KRAS: variants seen among roughly 807,000 people sequenced by gnomAD.
The protein encoded by KRAS is KRas proto-oncogene, GTPase, also known as GTPase KRas.
In KRAS, 1 loss-of-function variant was observed where a neutral mutation model predicts 21.0. The observed-to-expected ratio is 0.05, with a 90% CI of 0.02 to 0.23. The LOEUF (loss-of-function observed/expected upper bound fraction) is 0.23. KRAS is among the 10% of genes least tolerant of loss of function. KRAS has a pLI of 1.00. For synonymous variants in KRAS, 67 were observed against 72.5 expected, an observed-to-expected ratio of 0.92 and a Z score of 0.39; for missense variants, 107 against 221.8, an observed-to-expected ratio of 0.48 and a Z score of 3.29.
At chr12:25,237,634 T>G (rs942177088) in intron 2 of KRAS, among the ~76,000 whole-genome samples, 1 of 152,212 alleles carries the variant, frequency 6.6e-6, no homozygotes, top group Non-Finnish European at 1.5e-5. Flanking sequence ...ATTTGTGCTA[T>G]GGGCTTGGGC....
intron 2 of KRAS, among the ~76,000 whole-genome samples, chr12:25,243,431 G>C (rs1483611327): frequency 1.3e-5 from 2 of 152,172 alleles, no homozygotes; most frequent in Non-Finnish European, 2.9e-5. Context: ...CAGAGTTATA[G>C]GTTTAAGTTT....
chr12:25,226,036 ATAATAG>A (rs1433651817), intron 3 of KRAS, among the ~76,000 whole-genome samples: 1 of 152,220 alleles, frequency 6.6e-6, no homozygotes, highest in Non-Finnish European at 1.5e-5. Flanking sequence ...CAGGTAGATC[ATAATAG>A]TAAAACAGAA....
chr12:25,209,233 T>C lies in KRAS; in HGVS notation c.*562A>G, dbSNP rs974417060. On this transcript the variant is annotated 3_prime_UTR_variant, in exon 5 of 5. Transcript: ENST00000311936. ...TTTTGGGGAGAGTGACCATGACTAATAGCAGTGGAAAGGAGACAAAACCTT... is the reference window on the plus strand; with the variant it reads ...TTTTGGGGAGAGTGACCATGACTAACAGCAGTGGAAAGGAGACAAAACCTT... 1.0e-5 allele frequency: 7 copies of C among 685,124 alleles called. No individual in the cohort carries two copies. The highest frequency in any genetic ancestry group is 3.5e-5 in the African/African-American group (2 of 56,692). 42.4% of individuals were successfully genotyped at this position (685,124 alleles called of 1,614,324 possible). A position where few individuals can be genotyped will look rare whatever the true frequency, so the allele number is the denominator to read the frequency against.
At chr12:25,235,438 C>T (rs1161752413) in intron 2 of KRAS, among the ~76,000 whole-genome samples, 1 of 152,198 alleles carries the variant, frequency 6.6e-6, no homozygotes, top group Non-Finnish European at 1.5e-5. Context: ...TCATTCCCAT[C>T]TACCCACATC....
At chr12:25,250,196 C>T (rs1231605625) in intron 1 of KRAS, among the ~76,000 whole-genome samples, 1 of 152,234 alleles carries the variant, frequency 6.6e-6, no homozygotes, top group Admixed American at 6.5e-5. Flanking sequence ...TCACACATCC[C>T]CTACACACGG....
At chr12:25,220,855 T>C (rs926033267) in intron 4 of KRAS, among the ~76,000 whole-genome samples, 16 of 151,716 alleles carry the variant, frequency 1.1e-4, no homozygotes, top group African/African-American at 3.9e-4. Flanking sequence ...CGAAACCCTG[T>C]CTCTACTAAA....
At chr12:25,230,163 A>C (rs1234682902) in intron 2 of KRAS, among the ~76,000 whole-genome samples, 1 of 152,202 alleles carries the variant, frequency 6.6e-6, no homozygotes, top group Non-Finnish European at 1.5e-5. Flanking sequence ...TGTTGTTAGT[A>C]AAGTATTTCA....
intron 1 of KRAS, among the ~76,000 whole-genome samples, chr12:25,249,226 T>C (rs979129692): frequency 5.3e-5 from 8 of 151,976 alleles, no homozygotes; most frequent in Non-Finnish European, 1.2e-4. Flanking sequence ...GAAACCCCCG[T>C]CTCTACTAAA....
At chr12:25,232,203 T>C (rs1044370887) in intron 2 of KRAS, among the ~76,000 whole-genome samples, 2 of 152,220 alleles carry the variant, frequency 1.3e-5, no homozygotes, top group African/African-American at 4.8e-5. Context: ...TCAAAAAATT[T>C]AGAGTCTAAA....
intron 4 of KRAS, among the ~76,000 whole-genome samples, chr12:25,220,806 C>G (rs1418602347): frequency 6.6e-6 from 1 of 151,714 alleles, no homozygotes; most frequent in African/African-American, 2.4e-5. Flanking sequence ...GGGAGGATCA[C>G]TTGATGCCAG....
rs550502020 is a variant in KRAS at position 25,211,941 on chromosome 12, G to C, written c.451-2030C>G. On this transcript the variant is annotated intron_variant, in intron 4 of 4. Coordinates refer to ENST00000311936, the MANE Select transcript of KRAS (RefSeq NM_004985.5). ...CTTTTGTTTCTCCCACAGGAGAAAG[G>C]AAAAGTGGTAAGAAATAATTTATCA... is the stretch of plus-strand genomic sequence containing the variant. Among the ~76,000 whole-genome samples, 10 of 152,238 alleles carry C rather than the reference G, an allele frequency of 6.6e-5. 1 individual carries two copies. In the South Asian group the frequency reaches 2.1e-3, roughly 32 times the overall value.
At chr12:25,228,749 T>C (rs1041681189) in intron 2 of KRAS, among the ~76,000 whole-genome samples, 1 of 152,158 alleles carries the variant, frequency 6.6e-6, no homozygotes, top group Non-Finnish European at 1.5e-5. Context: ...TTAAGGTCAC[T>C]GAATTGAACA....
At chr12:25,213,719 T>A (rs556042516) in intron 4 of KRAS, among the ~76,000 whole-genome samples, 1 of 152,240 alleles carries the variant, frequency 6.6e-6, no homozygotes, top group Admixed American at 6.5e-5. Context: ...ATAAATGTAG[T>A]AGTTTTTGAA....
chr12:25,215,659 A>ATT, intron 4 of KRAS: 60 of 785,852 alleles, frequency 7.6e-5, no homozygotes, highest in Middle Eastern at 2.5e-4. Flanking sequence ...TGAGCTTGAG[A>ATT]TTTTTTTTTT....
rs1473744129 is a variant in KRAS, at chr12:25,207,685, TTCTG to T, written c.*2106_*2109del. 2.2e-5 allele frequency: 5 copies of T among 232,348 alleles called. No individual in the cohort carries two copies. The East Asian group carries it at 3.0e-4, about 14-fold the overall frequency. 14.4% of individuals were successfully genotyped at this position (232,348 alleles called of 1,614,324 possible). On this transcript the variant is annotated 3_prime_UTR_variant, in exon 5 of 5. Transcript: ENST00000311936. ...TAAATTCTCCTTCCACTGGATAGGG[TTCTG>T]TCTATTCATACCAGGTTTGAAAAAT...
intron 2 of KRAS, among the ~76,000 whole-genome samples, chr12:25,233,049 T>C (rs960077152): frequency 2.0e-5 from 3 of 152,156 alleles, no homozygotes; most frequent in African/African-American, 7.2e-5. Flanking sequence ...TACTTAAGCA[T>C]TTAAAACTGA....
At chr12:25,227,742 A>G (rs1340104952) in intron 2 of KRAS, among the ~76,000 whole-genome samples, 1 of 152,222 alleles carries the variant, frequency 6.6e-6, no homozygotes, top group African/African-American at 2.4e-5. Flanking sequence ...ATCTTTGTGC[A>G]TTGCTGGTGG....
rs1951159568 is a variant in KRAS at position 25,208,120 on chromosome 12, A to G, written c.*1675T>C. 4.3e-6 allele frequency: 1 copy of G among 233,478 alleles called. No individual in the cohort carries two copies. Among genetic ancestry groups the G allele is most frequent in the East Asian group, 6.1e-5 (1 of 16,520 alleles). 14.5% of individuals were successfully genotyped at this position (233,478 alleles called of 1,614,324 possible). ...AAATTTACAGATTGTGCTGAGCTTG[A>G]CAAATAAGTGTATCCTTATGTAAAT... is the stretch of plus-strand genomic sequence containing the variant. On this transcript the variant is annotated 3_prime_UTR_variant, in exon 5 of 5. Transcript: ENST00000311936.
chr12:25,243,916 T>C (rs1951642856), intron 2 of KRAS, among the ~76,000 whole-genome samples: 1 of 152,222 alleles, frequency 6.6e-6, no homozygotes, highest in Admixed American at 6.5e-5. Flanking sequence ...ACTGTTCCCC[T>C]TTACTGCTGT....
Sources: allele counts gnomAD v4.1 joint callset (sites outside exome capture counted in the v4.1 genomes callset), GRCh38; gene constraint gnomAD v4.1.1; transcripts MANE v1.5; gene names NCBI Gene and HGNC (gene_info 2026-07-23, HGNC 2026-07-21).